OSBPL1A: variants seen among roughly 807,000 people sequenced by gnomAD.
OSBPL1A encodes oxysterol binding protein like 1A, also known as oxysterol-binding protein-related protein 1.
OSBPL1A carries 80 observed loss-of-function variants against 137.1 expected under a neutral mutation model. The ratio of observed to expected loss-of-function variants is 0.58; its 90% confidence interval spans 0.49 to 0.70. OSBPL1A has a LOEUF of 0.70. Ranked by LOEUF, OSBPL1A falls within the 30% of genes least tolerant of loss-of-function variation. OSBPL1A has a pLI of 0.00. For synonymous variants in OSBPL1A, 365 were observed against 389.7 expected, an observed-to-expected ratio of 0.94 and a Z score of 0.75; for missense variants, 970 against 1,129.4, an observed-to-expected ratio of 0.86 and a Z score of 2.02.
Position 24,303,733 on chromosome 18 carries a change from A to G in OSBPL1A, c.1093-15T>C. ...GACTGTGCTTTCTGCAAAAAAAGAA[A>G]AGACAAAATTAAAACAAAGTAATAA... On this transcript the variant is annotated splice_polypyrimidine_tract_variant and intron_variant, in intron 13 of 27. Coordinates refer to ENST00000319481, the MANE Select transcript of OSBPL1A (RefSeq NM_080597.4). The G allele has an allele frequency of 6.2e-7, 1 of 1,602,642 alleles. No homozygotes were observed. The highest frequency in any genetic ancestry group is 8.5e-7 in the Non-Finnish European group (1 of 1,171,154).
intron 15 of OSBPL1A, among the ~76,000 whole-genome samples, chr18:24,242,715 GATT>G (rs1012162539): frequency 3.7e-4 from 56 of 152,270 alleles, no homozygotes; most frequent in Non-Finnish European, 6.3e-4. Flanking sequence ...ACAGCAGGCA[GATT>G]ATTATTATTA....
intron 14 of OSBPL1A, among the ~76,000 whole-genome samples, chr18:24,291,752 G>C (rs911687669): frequency 7.8e-6 from 1 of 128,670 alleles, no homozygotes; most frequent in African/African-American, 3.2e-5. Flanking sequence ...AGTAACAAAA[G>C]GGGACTTGGG....
intron 2 of OSBPL1A, among the ~76,000 whole-genome samples, chr18:24,372,783 G>A (rs1032213522): frequency 8.5e-5 from 13 of 152,086 alleles, no homozygotes; most frequent in African/African-American, 3.1e-4. Context: ...CCAAGATCCA[G>A]TCAGGCACTG....
At chr18:24,277,467 G>C (rs2089868533) in intron 15 of OSBPL1A, among the ~76,000 whole-genome samples, 2 of 152,156 alleles carry the variant, frequency 1.3e-5, no homozygotes, top group Middle Eastern at 3.2e-3. Flanking sequence ...TCCCTACAGA[G>C]GTGTTTTACC....
intron 21 of OSBPL1A, among the ~76,000 whole-genome samples, chr18:24,176,189 T>TA (rs777508331): frequency 1.1e-3 from 174 of 152,356 alleles, no homozygotes; most frequent in Non-Finnish European, 2.1e-3. Flanking sequence ...CTGTATCTAT[T>TA]AAAAATCATC....
intron 6 of OSBPL1A, among the ~76,000 whole-genome samples, 184 bp downstream of exon 6, chr18:24,334,061 C>G (rs1316770658): frequency 1.3e-5 from 2 of 152,042 alleles, no homozygotes; most frequent in African/African-American, 4.8e-5. Flanking sequence ...AAAATGTGTC[C>G]TGCTTAAACT....
At chr18:24,245,976 G>A (rs955552546) in intron 15 of OSBPL1A, among the ~76,000 whole-genome samples, 1 of 152,098 alleles carries the variant, frequency 6.6e-6, no homozygotes, top group African/African-American at 2.4e-5. Flanking sequence ...TTGGGAGGTG[G>A]AGGCAGGTGG....
chr18:24,383,824 A>C (rs1906772930), intron 1 of OSBPL1A, among the ~76,000 whole-genome samples: 1 of 152,272 alleles, frequency 6.6e-6, no homozygotes, highest in Non-Finnish European at 1.5e-5. Flanking sequence ...CATAATAGTT[A>C]CTCATAAATG....
intron 24 of OSBPL1A, among the ~76,000 whole-genome samples, 184 bp downstream of exon 24, chr18:24,170,143 T>A (rs571416496): frequency 9.1e-6 from 1 of 110,464 alleles, no homozygotes; most frequent in Admixed American, 9.9e-5. Context: ...CCACATCCTA[T>A]ACAAGGCTAT....
intron 17 of OSBPL1A, among the ~76,000 whole-genome samples, chr18:24,215,458 C>G (rs2145973687): frequency 6.6e-6 from 1 of 152,238 alleles, no homozygotes; most frequent in African/African-American, 2.4e-5. Flanking sequence ...CAAGGCAAAC[C>G]AACCAACCAA....
intron 16 of OSBPL1A, among the ~76,000 whole-genome samples, chr18:24,227,793 A>T (rs2145991521): frequency 6.6e-6 from 1 of 152,318 alleles, no homozygotes; most frequent in Non-Finnish European, 1.5e-5. Context: ...CACTTGAGAA[A>T]AAAAATGTAA....
intron 14 of OSBPL1A, among the ~76,000 whole-genome samples, chr18:24,299,600 G>T (rs1466685151): frequency 1.3e-5 from 2 of 152,114 alleles, no homozygotes; most frequent in East Asian, 3.8e-4. Flanking sequence ...ATCCCTTCCA[G>T]CTTATAAGGT....
intron 1 of OSBPL1A, among the ~76,000 whole-genome samples, chr18:24,381,816 G>A (rs1282647841): frequency 2.6e-5 from 4 of 151,328 alleles, no homozygotes; most frequent in African/African-American, 9.7e-5. Context: ...CAAAAATTAG[G>A]CAGGCGTGGT....
chr18:24,302,568 C>G (rs891069183), intron 14 of OSBPL1A: 1 of 152,008 alleles, frequency 6.6e-6, no homozygotes, highest in Non-Finnish European at 1.5e-5. Flanking sequence ...GTTACAGGCA[C>G]GTGCCACCAC....
At chr18:24,276,525 C>T (rs904871295) in intron 15 of OSBPL1A, among the ~76,000 whole-genome samples, 10 of 152,086 alleles carry the variant, frequency 6.6e-5, no homozygotes, top group African/African-American at 1.7e-4. Context: ...CTGCAACCTC[C>T]GCCTCCTGGG....
intron 4 of OSBPL1A, chr18:24,357,686 T>C (rs2091559991): frequency 6.6e-6 from 1 of 152,138 alleles, no homozygotes; most frequent in African/African-American, 2.4e-5. Flanking sequence ...AGAAGAGGCT[T>C]CTTCTCCACG....
At chr18:24,392,907 T>G (rs1283731183) in intron 1 of OSBPL1A, among the ~76,000 whole-genome samples, 1 of 152,172 alleles carries the variant, frequency 6.6e-6, no homozygotes, top group Admixed American at 6.5e-5. Context: ...CCCAGGCTGG[T>G]CTCGAACTCC....
chr18:24,175,109 T>TATATATATATATATATATAC (rs2086397801), intron 21 of OSBPL1A, among the ~76,000 whole-genome samples: 11 of 13,422 alleles, frequency 8.2e-4, no homozygotes, highest in Non-Finnish European at 5.0e-3. Flanking sequence ...CATGTGTATG[T>TATATATATATATATATATAC]ATATATATAT....
At chr18:24,236,684 T>C (rs2088488102) in intron 16 of OSBPL1A, among the ~76,000 whole-genome samples, 1 of 152,182 alleles carries the variant, frequency 6.6e-6, no homozygotes, top group South Asian at 2.1e-4. Context: ...CCTATAGCCA[T>C]GGCAGGATGT....
Sources: allele counts gnomAD v4.1 joint callset (sites outside exome capture counted in the v4.1 genomes callset), GRCh38; gene constraint gnomAD v4.1.1; transcripts MANE v1.5; gene names NCBI Gene and HGNC (gene_info 2026-07-23, HGNC 2026-07-21).